The following RGS22 variants were observed in gnomAD, a reference collection of about 807,000 sequenced individuals.
RGS22 encodes the protein regulator of G protein signaling 22.
Under a neutral mutation model 172.9 loss-of-function variants are expected in RGS22, and 148 were observed. The observed-to-expected ratio is 0.86, with a 90% CI of 0.75 to 0.98. The LOEUF is 0.98. Ranked by LOEUF, RGS22 falls within the 50% of genes least tolerant of loss-of-function variation. The pLI, the probability that RGS22 is intolerant of heterozygous loss-of-function variation, is 0.00. For synonymous variants in RGS22, 458 were observed against 480.2 expected, an observed-to-expected ratio of 0.95 and a Z score of 0.60; for missense variants, 1,347 against 1,440.8, an observed-to-expected ratio of 0.93 and a Z score of 1.05.
chr8:100,006,091 T>C lies in RGS22; in HGVS notation c.2380A>G (p.Thr794Ala). ...AAGTATGTGGAGTCTAACTGTCGAG[T>C]TTCTTCCACCAGCTCCACCTAAAAA... ...AYKKVELVEE[T>A]RQLDSTYFRK... Residue 794 changes from threonine to alanine, a missense_variant, in exon 16 of 28, where the codon ACT becomes GCT. Thr to Ala is a moderately conservative substitution (Grantham distance 58). Coordinates refer to ENST00000360863, the MANE Select transcript of RGS22 (RefSeq NM_015668.5). 1 of 1,612,620 alleles carries C rather than the reference T, an allele frequency of 6.2e-7. No individual in the cohort carries two copies. The highest frequency in any genetic ancestry group is 8.5e-7 in the Non-Finnish European group (1 of 1,179,228).
intron 2 of RGS22, among the ~76,000 whole-genome samples, chr8:100,099,466 C>T (rs1456486540): frequency 1.3e-5 from 2 of 152,126 alleles, no homozygotes; most frequent in Non-Finnish European, 2.9e-5. Flanking sequence ...TAATTCAAAC[C>T]TCACACTTAA....
intron 3 of RGS22, among the ~76,000 whole-genome samples, chr8:100,084,087 T>C (rs765289283): frequency 6.6e-6 from 1 of 152,112 alleles, no homozygotes; most frequent in Non-Finnish European, 1.5e-5. Flanking sequence ...TCCGTCCACC[T>C]TGGCCTCCCA....
intron 10 of RGS22, among the ~76,000 whole-genome samples, chr8:100,051,431 T>TATATATAC (rs1295550846): frequency 9.1e-6 from 1 of 109,864 alleles, no homozygotes; most frequent in Non-Finnish European, 1.7e-5. Context: ...TACATTTATA[T>TATATATAC]ATTTATATAT....
intron 3 of RGS22, among the ~76,000 whole-genome samples, chr8:100,089,781 A>T (rs1812433449): frequency 6.6e-6 from 1 of 152,112 alleles, no homozygotes; most frequent in South Asian, 2.1e-4. Flanking sequence ...TCCATTTCAC[A>T]CTATCGGGAT....
intron 16 of RGS22, among the ~76,000 whole-genome samples, chr8:100,005,524 C>G (rs543875125): frequency 6.6e-6 from 1 of 152,100 alleles, no homozygotes; most frequent in Non-Finnish European, 1.5e-5. Context: ...CTTTATGAAT[C>G]AAAATAACAC....
At chr8:100,028,565 T>C (rs747596476) in intron 14 of RGS22, among the ~76,000 whole-genome samples, 1 of 152,138 alleles carries the variant, frequency 6.6e-6, no homozygotes, top group Non-Finnish European at 1.5e-5. Context: ...GAGTTTACCA[T>C]TATGTGGGCT....
chr8:100,094,876 G>T (rs16897943), intron 2 of RGS22, among the ~76,000 whole-genome samples: 3,346 of 152,188 alleles, frequency 0.022, 121 homozygotes, highest in African/African-American at 0.076. Flanking sequence ...CTACAATAAG[G>T]GTGGCCAAAT....
intron 21 of RGS22, among the ~76,000 whole-genome samples, chr8:99,985,620 C>T (rs1343492122): frequency 1.3e-5 from 2 of 152,148 alleles, no homozygotes; most frequent in Non-Finnish European, 2.9e-5. Context: ...AGCATAATAA[C>T]ATTTGATACT....
chr8:100,067,758 G>A (rs1339954136), intron 6 of RGS22, among the ~76,000 whole-genome samples: 1 of 151,050 alleles, frequency 6.6e-6, no homozygotes, highest in African/African-American at 2.4e-5. Context: ...CCGAGTAGCT[G>A]GGATTACAGG....
chr8:100,041,724 A>T (rs1586090323), intron 12 of RGS22, 78 bp downstream of exon 12: 1 of 775,244 alleles, frequency 1.3e-6, no homozygotes, highest in East Asian at 2.6e-5. Flanking sequence ...ATGATAAATC[A>T]ATACAAATTC....
chr8:100,049,451 A>G (rs565563474), intron 10 of RGS22, among the ~76,000 whole-genome samples: 2 of 152,302 alleles, frequency 1.3e-5, no homozygotes, highest in African/African-American at 4.8e-5. Context: ...CAGGAAGTCA[A>G]ATGAAAACAA....
chr8:99,964,729 G>A (rs1056502092), intron 24 of RGS22, among the ~76,000 whole-genome samples: 7 of 152,086 alleles, frequency 4.6e-5, no homozygotes, highest in African/African-American at 1.4e-4. Context: ...CTGGGTAACT[G>A]AACTTATTTG....
intron 17 of RGS22, 122 bp from the exon 18 acceptor site, chr8:100,002,486 C>T: frequency 1.1e-6 from 1 of 870,878 alleles, no homozygotes; most frequent in Non-Finnish European, 1.7e-6. Context: ...AGCATTAGAT[C>T]ATGGAAATAA....
chr8:100,098,916 A>G (rs1330976306), intron 2 of RGS22, among the ~76,000 whole-genome samples: 1 of 124,288 alleles, frequency 8.0e-6, no homozygotes, highest in African/African-American at 3.1e-5. Flanking sequence ...ATTTTATTTT[A>G]TTTTATTTTA....
chr8:100,044,565 T>G (rs1820509736), intron 11 of RGS22, among the ~76,000 whole-genome samples: 1 of 151,600 alleles, frequency 6.6e-6, no homozygotes, highest in Non-Finnish European at 1.5e-5. Flanking sequence ...TTCCTTCCTT[T>G]GGCTTCTGTG....
rs138747671 is a variant in RGS22 at position 99,995,071 on chromosome 8, A to T, written c.3018+1391T>A. Among the ~76,000 whole-genome samples the T allele has an allele frequency of 0.01, 1,585 of 152,346 alleles. 55 individuals are homozygous for T. In the East Asian group the frequency reaches 0.11, roughly 10 times the overall value. On this transcript the variant is annotated intron_variant, in intron 20 of 27. Coordinates refer to ENST00000360863, the MANE Select transcript of RGS22 (RefSeq NM_015668.5). Reference sequence around the variant, plus strand: ...GAAAACTGGCTAGCCATATGTAGAAAGCTGAAACTCAATCCCTTCCTTACA... The same window carrying T: ...GAAAACTGGCTAGCCATATGTAGAATGCTGAAACTCAATCCCTTCCTTACA...
chr8:100,005,444 T>C (rs1409671791), intron 16 of RGS22, among the ~76,000 whole-genome samples: 1 of 152,168 alleles, frequency 6.6e-6, no homozygotes, highest in Admixed American at 6.6e-5. Flanking sequence ...CATTTTTATG[T>C]AGATGCACAA....
At chr8:99,963,091 C>G in intron 24 of RGS22, 113 bp from the exon 25 acceptor site, 1 of 821,468 alleles carries the variant, frequency 1.2e-6, no homozygotes, top group Non-Finnish European at 1.8e-6. Context: ...AAGTATAACA[C>G]ACATAAAGAA....
chr8:100,047,635 G>A (rs1485789674), intron 10 of RGS22, 39 bp from the exon 11 acceptor site: 2 of 1,581,966 alleles, frequency 1.3e-6, no homozygotes, highest in Admixed American at 1.9e-5. Flanking sequence ...AAATGAGAGA[G>A]AAAAAAGCAC....
Sources: gnomAD v4.1 joint callset for allele counts (sites outside exome capture counted in the v4.1 genomes callset) on GRCh38, gnomAD v4.1.1 for gene constraint, MANE v1.5 for transcripts, NCBI Gene and HGNC (gene_info 2026-07-23, HGNC 2026-07-21) for gene names.